FHOD3: variants seen among roughly 807,000 people sequenced by gnomAD.
FHOD3 encodes FH1/FH2 domain-containing protein 3.
Under a neutral mutation model 173.0 loss-of-function variants are expected in FHOD3, and 90 were observed. The ratio of observed to expected loss-of-function variants is 0.52; its 90% CI spans 0.44 to 0.62. The LOEUF (loss-of-function observed/expected upper bound fraction) is 0.62. Ranked by LOEUF, FHOD3 falls within the 20% of genes least tolerant of loss-of-function variation. FHOD3 has a pLI of 0.00. For synonymous variants in FHOD3, 828 were observed against 823.0 expected (o/e 1.01, Z -0.10); for missense variants, 1,945 against 2,034.7 (o/e 0.96, Z 0.85).
At chr18:36,543,863 A>G (rs907328340) in intron 5 of FHOD3, among the ~76,000 whole-genome samples, 1 of 152,226 alleles carries the variant, frequency 6.6e-6, no homozygotes, top group African/African-American at 2.4e-5. Flanking sequence ...TATGGAAAAA[A>G]GATCATATTT....
chr18:36,653,188 T>A (rs1480145023), intron 12 of FHOD3, among the ~76,000 whole-genome samples, 154 bp from the exon 13 acceptor site: 2 of 152,248 alleles, frequency 1.3e-5, no homozygotes, highest in Non-Finnish European at 2.9e-5. Flanking sequence ...AATGGGTTTT[T>A]AAATGTAAGG....
intron 8 of FHOD3, 111 bp from the exon 9 acceptor site, chr18:36,611,841 T>G: frequency 9.6e-7 from 1 of 1,043,422 alleles, no homozygotes; most frequent in Non-Finnish European, 1.4e-6. Flanking sequence ...TCTGGATTGA[T>G]TAGTGGCCAT....
At chr18:36,563,599 C>T (rs552890826) in intron 5 of FHOD3, among the ~76,000 whole-genome samples, 16 of 152,346 alleles carry the variant, frequency 1.1e-4, no homozygotes, top group African/African-American at 1.7e-4. Context: ...CTTATGACTG[C>T]GTAAGCTCCA....
chr18:36,473,239 C>A (rs2145195270), intron 3 of FHOD3, among the ~76,000 whole-genome samples: 1 of 152,270 alleles, frequency 6.6e-6, no homozygotes, highest in South Asian at 2.1e-4. Flanking sequence ...CATGGTGAAA[C>A]CCTGTCTCTA....
chr18:36,762,920 GTGTATTATATA>G (rs2042946052), intron 27 of FHOD3, among the ~76,000 whole-genome samples: 1 of 146,008 alleles, frequency 6.8e-6, no homozygotes, highest in Non-Finnish European at 1.5e-5. Context: ...CGTTATATAT[GTGTATTATATA>G]CATTATATAT....
chr18:36,754,354 C>T (rs1365763413), intron 24 of FHOD3, among the ~76,000 whole-genome samples: 1 of 152,104 alleles, frequency 6.6e-6, no homozygotes, highest in Non-Finnish European at 1.5e-5. Context: ...AGAAAGCTTT[C>T]CCTCTGTCTC....
chr18:36,649,206 CGTTGTT>C lies in FHOD3; in HGVS notation c.1197-94_1197-89del, dbSNP rs374110751. On this transcript the variant is annotated intron_variant, in intron 10 of 28. Coordinates refer to ENST00000590592, the MANE Select transcript of FHOD3 (RefSeq NM_001281740.3). ...TTTTTTTTTTTAATTATTATTATTTCGTTGTTGTTGTTGTTGTTGTTTTTGCTTCAT... is the reference window on the plus strand; with the variant it reads ...TTTTTTTTTTTAATTATTATTATTTCGTTGTTGTTGTTGTTTTTGCTTCAT... The C allele has an allele frequency of 3.6e-3, 2,028 of 567,426 alleles. 41 individuals are homozygous for C. The highest frequency in any genetic ancestry group is 0.034 in the African/African-American group (1,723 of 50,134). 35.1% of individuals were successfully genotyped at this position (567,426 alleles called of 1,614,324 possible).
chr18:36,627,106 C>T (rs950213934), intron 10 of FHOD3, among the ~76,000 whole-genome samples: 5 of 152,142 alleles, frequency 3.3e-5, no homozygotes, highest in Non-Finnish European at 5.9e-5. Flanking sequence ...GGAAAGAGAA[C>T]CTTTACCATG....
At chr18:36,771,442 G>A (rs526370) in intron 28 of FHOD3, among the ~76,000 whole-genome samples, 152,289 of 152,358 alleles carry the variant, frequency 1, 76,110 homozygotes, top group Middle Eastern at 1. Context: ...CCTTCACTCT[G>A]AGGAGGCTGA....
At chr18:36,306,266 G>A (rs2144552119) in intron 1 of FHOD3, among the ~76,000 whole-genome samples, 1 of 152,182 alleles carries the variant, frequency 6.6e-6, no homozygotes. Flanking sequence ...AGTCTACAGT[G>A]GCCCCTCTGA....
At chr18:36,608,615 A>G (rs1259228107) in intron 8 of FHOD3, among the ~76,000 whole-genome samples, 1 of 152,210 alleles carries the variant, frequency 6.6e-6, no homozygotes, top group African/African-American at 2.4e-5. Flanking sequence ...CAGACTAAGA[A>G]TAGCATAGTA....
intron 2 of FHOD3, among the ~76,000 whole-genome samples, chr18:36,370,876 T>C (rs1320337581): frequency 2.0e-5 from 3 of 152,218 alleles, no homozygotes; most frequent in Admixed American, 2.0e-4. Flanking sequence ...AAACCTTTCT[T>C]GGCAAGTCAA....
rs563154561 is a variant in FHOD3 at position 36,640,571 on chromosome 18, A to G, written c.1197-8745A>G. 8.5e-5 allele frequency among the ~76,000 whole-genome samples: 13 copies of G among 152,340 alleles called. No individual in the cohort carries two copies. In the East Asian group the frequency reaches 1.5e-3, roughly 18 times the overall value. On this transcript the variant is annotated intron_variant, in intron 10 of 28. Transcript: ENST00000590592. ...ACCATAAATGTAACAAAATATTTCTATGAATATCTTATATGTCCTATGCAT... is the reference window on the plus strand; with the variant it reads ...ACCATAAATGTAACAAAATATTTCTGTGAATATCTTATATGTCCTATGCAT...
chr18:36,378,170 C>T (rs2047541174), intron 3 of FHOD3, among the ~76,000 whole-genome samples: 2 of 152,184 alleles, frequency 1.3e-5, no homozygotes, highest in African/African-American at 4.8e-5. Flanking sequence ...TGCAAAGGCT[C>T]CTGAGTGGCC....
intron 3 of FHOD3, among the ~76,000 whole-genome samples, chr18:36,460,551 A>G (rs929996050): frequency 3.3e-5 from 5 of 152,194 alleles, no homozygotes; most frequent in African/African-American, 1.2e-4. Context: ...GAGGCCCCAC[A>G]AGCTGTGCAA....
chr18:36,532,084 G>A (rs113014276), intron 5 of FHOD3, among the ~76,000 whole-genome samples: 3,271 of 152,292 alleles, frequency 0.021, 51 homozygotes, highest in Non-Finnish European at 0.025. Context: ...TCCCTGCGGC[G>A]TGGCTTTCAT....
intron 3 of FHOD3, among the ~76,000 whole-genome samples, chr18:36,380,556 T>TC (rs1231964515): frequency 5.6e-5 from 4 of 71,232 alleles, no homozygotes; most frequent in Admixed American, 1.6e-4. Context: ...TCTTTTGTTT[T>TC]CTTTTCTTTT....
intron 5 of FHOD3, among the ~76,000 whole-genome samples, chr18:36,514,885 A>G (rs1414061321): frequency 6.6e-6 from 1 of 152,222 alleles, no homozygotes; most frequent in African/African-American, 2.4e-5. Context: ...GGAGGCTGGC[A>G]GAGTGAGTGC....
At chr18:36,572,822 C>T (rs1410515379) in intron 5 of FHOD3, among the ~76,000 whole-genome samples, 1 of 152,162 alleles carries the variant, frequency 6.6e-6, no homozygotes, top group African/African-American at 2.4e-5. Flanking sequence ...TACCTTCTCT[C>T]TCCCTGTGTG....
Sources: allele counts gnomAD v4.1 joint callset (sites outside exome capture counted in the v4.1 genomes callset), GRCh38; gene constraint gnomAD v4.1.1; transcripts MANE v1.5; gene names NCBI Gene and HGNC (gene_info 2026-07-23, HGNC 2026-07-21).